Variants in HCRTR2 observed in about 807,000 individuals in gnomAD.
HCRTR2 encodes the protein hypocretin receptor 2, also known as orexin receptor type 2.
A neutral mutation model predicts 49.0 loss-of-function variants in HCRTR2; 22 were observed. That is an observed-to-expected ratio of 0.45 (90% CI 0.32 to 0.64). The LOEUF is 0.64. Ranked by LOEUF, HCRTR2 falls within the 30% of genes least tolerant of loss-of-function variation. The pLI is 0.04. For synonymous variants in HCRTR2, 236 were observed against 205.3 expected (o/e 1.15, Z -1.28); for missense variants, 491 against 559.4 (o/e 0.88, Z 1.23).
chr6:55,218,958 G>T (rs888479423), intron 1 of HCRTR2, among the ~76,000 whole-genome samples: 1 of 152,060 alleles, frequency 6.6e-6, no homozygotes. Context: ...TGAGTAGCTG[G>T]GACTGCAGAC....
chr6:55,227,132 A>AT (rs57950083), intron 1 of HCRTR2, among the ~76,000 whole-genome samples: 24 of 151,504 alleles, frequency 1.6e-4, no homozygotes, highest in African/African-American at 4.6e-4. Context: ...GTATTCTATG[A>AT]TTTTTTTTTA....
chr6:55,211,045 C>A (rs1014464055), intron 1 of HCRTR2, among the ~76,000 whole-genome samples: 2 of 152,054 alleles, frequency 1.3e-5, no homozygotes, highest in Admixed American at 1.3e-4. Context: ...GTTATAATTG[C>A]CTACAGTGTT....
intron 1 of HCRTR2, among the ~76,000 whole-genome samples, chr6:55,165,638 A>T (rs1465089915): frequency 6.6e-6 from 1 of 151,592 alleles, no homozygotes; most frequent in African/African-American, 2.4e-5. Context: ...ATCAAAATTT[A>T]AAACTTTTTT....
At chr6:55,144,975 C>CT (rs1267028784) in intron 1 of HCRTR2, among the ~76,000 whole-genome samples, 8 of 152,086 alleles carry the variant, frequency 5.3e-5, no homozygotes, top group Non-Finnish European at 7.4e-5. Flanking sequence ...TCCCATTTTT[C>CT]TTTTTTAAAT....
chr6:55,188,807 A>G (rs1425628648), intron 1 of HCRTR2, among the ~76,000 whole-genome samples: 1 of 152,208 alleles, frequency 6.6e-6, no homozygotes, highest in Non-Finnish European at 1.5e-5. Context: ...AAGTCTCAGA[A>G]CATTGAAATA....
Position 55,115,529 on chromosome 6 carries a change from T to C in HCRTR2, c.-378+8984T>C, listed in dbSNP as rs1004058617. Among the ~76,000 whole-genome samples the C allele has an allele frequency of 1.8e-3, 279 of 151,220 alleles. 1 individual carries two copies. The highest frequency in any genetic ancestry group is 6.5e-3 in the African/African-American group (267 of 41,290). On this transcript the variant is annotated intron_variant, in intron 1 of 7. Coordinates refer to the HCRTR2 transcript ENST00000615358. The stretch of plus-strand genomic sequence containing the variant: ...GTGTGTGTGGTAGTAGTAGTAGTAG[T>C]ACTAGCAGTAGTAGCAGCAGGTAAA...
At chr6:55,265,985 C>T (rs1766853530) in intron 4 of HCRTR2, among the ~76,000 whole-genome samples, 1 of 151,964 alleles carries the variant, frequency 6.6e-6, no homozygotes, top group Admixed American at 6.6e-5. Context: ...TTACTAGAGA[C>T]AGAAACTAAA....
At position 55,267,579 on chromosome 6, in the gene HCRTR2, T is replaced by G. The variant is rs192712411; in HGVS notation, c.762+3757T>G. ...TCAACACTAAATCTTAATCGTCATG[T>G]GCTTGTGTTAATTTATTTCACATTT... On this transcript the variant is annotated intron_variant, in intron 4 of 6. Coordinates refer to ENST00000370862, the MANE Select transcript of HCRTR2 (RefSeq NM_001384272.1). Among the ~76,000 whole-genome samples the G allele has an allele frequency of 2.8e-4, 43 of 152,294 alleles. 1 individual carries two copies. The South Asian group carries it at 4.1e-3, about 15-fold the overall frequency.
chr6:55,234,064 GC>G (rs1158410783), intron 1 of HCRTR2, among the ~76,000 whole-genome samples: 1 of 152,084 alleles, frequency 6.6e-6, no homozygotes, highest in Non-Finnish European at 1.5e-5. Context: ...GTTGTTTTCA[GC>G]CTTCATCTAA....
chr6:55,184,085 G>A (rs547285278), intron 1 of HCRTR2, among the ~76,000 whole-genome samples: 4 of 152,036 alleles, frequency 2.6e-5, no homozygotes, highest in South Asian at 4.2e-4. Context: ...GCACCATCAC[G>A]AGCAGCTAAT....
At chr6:55,119,586 A>G (rs1251850171) in intron 1 of HCRTR2, among the ~76,000 whole-genome samples, 2 of 150,930 alleles carry the variant, frequency 1.3e-5, no homozygotes, top group Non-Finnish European at 2.9e-5. Context: ...TCTTCTTTTG[A>G]GAAGTGTCTG....
At chr6:55,127,607 T>C (rs192865691) in intron 1 of HCRTR2, among the ~76,000 whole-genome samples, 2 of 152,288 alleles carry the variant, frequency 1.3e-5, no homozygotes, top group Admixed American at 1.3e-4. Flanking sequence ...GCTTTCTTGT[T>C]GTTGTTTTGA....
rs1368637428 is a variant in HCRTR2 at position 55,245,026 on chromosome 6, A to C, written c.224-3613A>C. Among the ~76,000 whole-genome samples, 4 of 151,872 alleles carry C rather than the reference A, an allele frequency of 2.6e-5. No individual in the cohort carries two copies. The East Asian group carries it at 7.8e-4, about 29-fold the overall frequency. On this transcript the variant is annotated intron_variant, in intron 1 of 6. Coordinates refer to ENST00000370862, the MANE Select transcript of HCRTR2 (RefSeq NM_001384272.1). ...TTATGTTCTATTGATCTATATGTCT[A>C]TTTTTATACTATTAATAGTATCATG...
At chr6:55,153,539 C>T (rs191063529) in intron 1 of HCRTR2, among the ~76,000 whole-genome samples, 40 of 152,094 alleles carry the variant, frequency 2.6e-4, no homozygotes, top group Non-Finnish European at 5.2e-4. Context: ...TGCCATCAGT[C>T]ATTGATGAAA....
chr6:55,195,236 G>C (rs58609830), intron 1 of HCRTR2, among the ~76,000 whole-genome samples: 37 of 152,194 alleles, frequency 2.4e-4, no homozygotes, highest in African/African-American at 8.4e-4. Flanking sequence ...AAACACCTCA[G>C]AAAGGGAAAT....
intron 1 of HCRTR2, among the ~76,000 whole-genome samples, chr6:55,236,463 CT>C (rs1296934524): frequency 6.6e-6 from 1 of 152,024 alleles, no homozygotes; most frequent in Admixed American, 6.6e-5. Context: ...AGTATGCCCT[CT>C]GTGGATAATG....
intron 1 of HCRTR2, among the ~76,000 whole-genome samples, chr6:55,156,180 T>A (rs1178666576): frequency 2.0e-5 from 3 of 151,810 alleles, no homozygotes; most frequent in Admixed American, 1.3e-4. Context: ...AATGGAATTG[T>A]TGTGGCTCAT....
At chr6:55,280,279 T>G (rs750858233) in intron 5 of HCRTR2, 44 bp from the exon 6 acceptor site, 5 of 1,295,972 alleles carry the variant, frequency 3.9e-6, no homozygotes, top group Non-Finnish European at 5.6e-6. Context: ...ACCTTTGAAT[T>G]TAATTATTTA....
At chr6:55,209,179 A>G (rs1765655240) in intron 1 of HCRTR2, among the ~76,000 whole-genome samples, 1 of 152,202 alleles carries the variant, frequency 6.6e-6, no homozygotes, top group Admixed American at 6.5e-5. Flanking sequence ...ATGCTTCAGG[A>G]GACATGATTT....
Sources: gnomAD v4.1 joint callset for allele counts (sites outside exome capture counted in the v4.1 genomes callset) on GRCh38, gnomAD v4.1.1 for gene constraint, MANE v1.5 for transcripts, NCBI Gene and HGNC (gene_info 2026-07-23, HGNC 2026-07-21) for gene names.